GPC5: variants seen among roughly 807,000 people sequenced by gnomAD.
The protein encoded by GPC5 is glypican 5.
In GPC5, 47 loss-of-function variants were observed where a neutral mutation model predicts 53.9. That is an observed-to-expected ratio of 0.87 (90% CI 0.69 to 1.11). The LOEUF is 1.11. Ranked by LOEUF, GPC5 falls within the 50% of genes most tolerant of loss-of-function variation. The pLI is 0.00. For synonymous variants in GPC5, 286 were observed against 263.3 expected (o/e 1.09, Z -0.84); for missense variants, 748 against 713.1 (o/e 1.05, Z -0.56).
chr13:91,863,494 T>C (rs2039052504), intron 5 of GPC5, among the ~76,000 whole-genome samples: 1 of 152,178 alleles, frequency 6.6e-6, no homozygotes, highest in African/African-American at 2.4e-5. Context: ...ACACTAACAT[T>C]TGTTGAACAA....
intron 2 of GPC5, among the ~76,000 whole-genome samples, chr13:91,690,784 T>C (rs2035740901): frequency 6.6e-6 from 1 of 152,204 alleles, no homozygotes; most frequent in East Asian, 1.9e-4. Flanking sequence ...ATGTTCAACC[T>C]TTATTCCACT....
intron 5 of GPC5, among the ~76,000 whole-genome samples, chr13:91,848,913 G>T (rs1210280222): frequency 1.3e-5 from 2 of 152,082 alleles, no homozygotes; most frequent in Non-Finnish European, 2.9e-5. Flanking sequence ...ATGCAGTATG[G>T]TTATTTCTGA....
intron 7 of GPC5, among the ~76,000 whole-genome samples, chr13:92,729,983 G>C (rs748517399): frequency 2.0e-5 from 3 of 151,400 alleles, no homozygotes; most frequent in Non-Finnish European, 4.4e-5. Context: ...AGAGGGATTT[G>C]ATACTTAATG....
chr13:91,606,845 T>A (rs577197827), intron 2 of GPC5, among the ~76,000 whole-genome samples: 1 of 152,058 alleles, frequency 6.6e-6, no homozygotes, highest in East Asian at 1.9e-4. Flanking sequence ...TTCTTCTCTC[T>A]TTTTTTCTTT....
At chr13:92,714,200 T>A (rs1459675808) in intron 7 of GPC5, among the ~76,000 whole-genome samples, 1 of 152,174 alleles carries the variant, frequency 6.6e-6, no homozygotes, top group Non-Finnish European at 1.5e-5. Context: ...CCTGTGTTAT[T>A]ATGTTACATA....
At chr13:91,730,227 G>T (rs1371789861) in intron 4 of GPC5, among the ~76,000 whole-genome samples, 1 of 152,170 alleles carries the variant, frequency 6.6e-6, no homozygotes, top group African/African-American at 2.4e-5. Context: ...ATTTCTGCTA[G>T]TTGCTTATTT....
intron 7 of GPC5, among the ~76,000 whole-genome samples, chr13:92,473,440 TC>T (rs1878985002): frequency 6.6e-6 from 1 of 152,124 alleles, no homozygotes. Flanking sequence ...CAAGAATTAA[TC>T]CTGTGCTTTT....
At chr13:91,672,079 T>C (rs1013496864) in intron 2 of GPC5, among the ~76,000 whole-genome samples, 1 of 152,154 alleles carries the variant, frequency 6.6e-6, no homozygotes, top group Admixed American at 6.6e-5. Flanking sequence ...TTACACCTTA[T>C]ACAAAAACTA....
chr13:92,546,916 G>A (rs1355888842), intron 7 of GPC5, among the ~76,000 whole-genome samples: 1 of 152,100 alleles, frequency 6.6e-6, no homozygotes, highest in African/African-American at 2.4e-5. Context: ...AAGAAATGGG[G>A]AAAGGATTCC....
chr13:92,256,855 C>T (rs576174614), intron 7 of GPC5, among the ~76,000 whole-genome samples: 124 of 151,652 alleles, frequency 8.2e-4, no homozygotes, highest in African/African-American at 2.9e-3. Context: ...TGTATTATTA[C>T]TAATTTTGCT....
At chr13:92,739,836 C>T (rs1305449006) in intron 7 of GPC5, among the ~76,000 whole-genome samples, 2 of 151,904 alleles carry the variant, frequency 1.3e-5, no homozygotes, top group Non-Finnish European at 2.9e-5. Context: ...CTGCTTCCCT[C>T]AGACAAAGAA....
chr13:92,654,769 G>A (rs1886071971), intron 7 of GPC5, among the ~76,000 whole-genome samples: 2 of 149,854 alleles, frequency 1.3e-5, no homozygotes, highest in African/African-American at 2.5e-5. Flanking sequence ...AAAAAAAGTA[G>A]AAGTAAATGT....
intron 7 of GPC5, among the ~76,000 whole-genome samples, chr13:92,632,880 TTTTG>T (rs919292690): frequency 3.9e-5 from 6 of 151,998 alleles, no homozygotes; most frequent in African/African-American, 1.2e-4. Flanking sequence ...ACTCCCATTT[TTTTG>T]TTTGTTTGTT....
At chr13:91,920,684 A>G (rs1281352753) in intron 6 of GPC5, among the ~76,000 whole-genome samples, 1 of 152,106 alleles carries the variant, frequency 6.6e-6, no homozygotes, top group African/African-American at 2.4e-5. Flanking sequence ...AAACCAAGAA[A>G]CCCAAAATTG....
chr13:92,002,625 G>A (rs1197924902), intron 6 of GPC5, among the ~76,000 whole-genome samples: 2 of 152,084 alleles, frequency 1.3e-5, no homozygotes, highest in East Asian at 1.9e-4. Context: ...TAGTAAAAAC[G>A]TATGCAAAGA....
intron 7 of GPC5, among the ~76,000 whole-genome samples, chr13:92,550,779 G>A (rs569076667): frequency 3.9e-5 from 6 of 151,952 alleles, no homozygotes. Flanking sequence ...ATCATTATCA[G>A]CAGCAACAAC....
At chr13:91,977,045 T>TAAAA (rs2040309643) in intron 6 of GPC5, among the ~76,000 whole-genome samples, 1 of 115,396 alleles carries the variant, frequency 8.7e-6, no homozygotes, top group South Asian at 2.2e-4. Context: ...TCTCAATAAA[T>TAAAA]AAATAAATAA....
At chr13:91,903,030 A>AAT (rs2039514761) in intron 5 of GPC5, among the ~76,000 whole-genome samples, 2 of 80,678 alleles carry the variant, frequency 2.5e-5, no homozygotes, top group East Asian at 8.3e-4. Context: ...ACAGCTCAGT[A>AAT]CTTTTTTTTT....
intron 6 of GPC5, among the ~76,000 whole-genome samples, chr13:91,947,236 C>T (rs2039982461): frequency 6.6e-6 from 1 of 151,926 alleles, no homozygotes; most frequent in Non-Finnish European, 1.5e-5. Flanking sequence ...ACTGAGGATT[C>T]AAATTTGGAT....
Sources: allele counts gnomAD v4.1 joint callset (sites outside exome capture counted in the v4.1 genomes callset), GRCh38; gene constraint gnomAD v4.1.1; transcripts MANE v1.5; gene names NCBI Gene and HGNC (gene_info 2026-07-23, HGNC 2026-07-21).